Variants in RUNX3 observed in about 807,000 individuals in gnomAD.
The protein encoded by RUNX3 is RUNX family transcription factor 3, also known as runt-related transcription factor 3.
RUNX3 carries 10 observed loss-of-function variants against 27.7 expected under a neutral mutation model. The ratio of observed to expected loss-of-function variants is 0.36; its 90% CI spans 0.22 to 0.61. The LOEUF (loss-of-function observed/expected upper bound fraction) is 0.61, where lower values mean the gene tolerates loss of function less well. Among genes scored for constraint, RUNX3 ranks in the 20% least tolerant of loss-of-function variants. The pLI is 0.72. For missense variants in RUNX3, 469 were observed against 629.5 expected (o/e 0.75, Z 2.73); for synonymous variants, 270 against 269.2 (o/e 1.00, Z -0.03).
chr1:24,964,824 T>G, intron 1 of RUNX3: 4 of 962,752 alleles, frequency 4.2e-6, no homozygotes, highest in Non-Finnish European at 5.8e-6. Context: ...GAAAGTAAGT[T>G]TCTGTTTGTA....
intron 2 of RUNX3, among the ~76,000 whole-genome samples, chr1:24,955,470 C>T (rs1333170370): frequency 6.6e-6 from 1 of 152,134 alleles, no homozygotes; most frequent in Non-Finnish European, 1.5e-5. Flanking sequence ...GCCCAGCACA[C>T]GGAGCTGTGA....
At position 24,904,340 on chromosome 1, in the gene RUNX3, C is replaced by G. The variant is rs564641242; in HGVS notation, c.704-1674G>C. On this transcript the variant is annotated intron_variant, in intron 4 of 4. Coordinates refer to ENST00000308873, the MANE Select transcript of RUNX3 (RefSeq NM_004350.3). The surrounding 1 kb of genome is among the most constrained non-coding windows in gnomAD (Gnocchi z 5.7). ...AGCTGGGGTATGTTTCCCTCAGCAGCGTACTCTGGCCCTGGGCGTGGATCC... is the reference window on the plus strand; with the variant it reads ...AGCTGGGGTATGTTTCCCTCAGCAGGGTACTCTGGCCCTGGGCGTGGATCC... Among the ~76,000 whole-genome samples the G allele has an allele frequency of 6.2e-4, 95 of 152,304 alleles. No homozygotes were observed. The highest frequency in any genetic ancestry group is 2.3e-3 in the African/African-American group (94 of 41,572).
At chr1:24,936,151 C>T (rs1641346293) in intron 2 of RUNX3, among the ~76,000 whole-genome samples, 1 of 152,228 alleles carries the variant, frequency 6.6e-6, no homozygotes, top group South Asian at 2.1e-4. Context: ...TGTGCCCTTC[C>T]CCCAGGGTGG....
chr1:24,927,770 G>A lies in RUNX3; in HGVS notation c.283-40C>T. 1 of 1,590,620 alleles carries A rather than the reference G, an allele frequency of 6.3e-7. No individual in the cohort carries two copies. Among genetic ancestry groups the A allele is most frequent in the South Asian group, 1.1e-5 (1 of 90,722 alleles). ...CGGGGGGATGCAGGGGGACAGCTTA[G>A]AAAGGAAGAGGGTGACCAGGGAAAG... On this transcript the variant is annotated intron_variant, in intron 1 of 4. Coordinates refer to ENST00000308873, the MANE Select transcript of RUNX3 (RefSeq NM_004350.3). The surrounding 1 kb of genome is among the most constrained non-coding windows in gnomAD (Gnocchi z 5.0).
At position 24,902,465 on chromosome 1, in the gene RUNX3, C is replaced by T. The variant is rs1479215152; in HGVS notation, c.905G>A (p.Arg302His). 3.6e-5 allele frequency: 58 copies of T among 1,600,068 alleles called. No homozygotes were observed. Among genetic ancestry groups the T allele is most frequent in the Non-Finnish European group, 4.9e-5 (57 of 1,169,880 alleles). Residue 302 changes from arginine (R) to histidine (H), a missense_variant, in exon 5 of 5, where the codon CGC becomes CAC. Coordinates refer to ENST00000308873, the MANE Select transcript of RUNX3 (RefSeq NM_004350.3). This position sits in a 1 kb window ranked among gnomAD's most constrained non-coding sequence, Gnocchi z 9.2. ...TGGCGGGAGGTAGGTATGGTGGAAGCGGCTGGTGGCCGGCATGCCCGCCAC... is the reference window on the plus strand; with the variant it reads ...TGGCGGGAGGTAGGTATGGTGGAAGTGGCTGGTGGCCGGCATGCCCGCCAC... Reference protein sequence around the residue: ...LSVAGMPATSRFHHTYLPPPY... With the variant: ...LSVAGMPATSHFHHTYLPPPY...
At chr1:24,924,835 G>A (rs1507101) in intron 2 of RUNX3, among the ~76,000 whole-genome samples, 71,503 of 151,982 alleles carry the variant, frequency 0.47, 18,133 homozygotes, top group South Asian at 0.57. Context: ...AAGGCTCCTC[G>A]TGTCTGGCAG....
At chr1:24,903,370 C>A (rs1640605051) in intron 4 of RUNX3, among the ~76,000 whole-genome samples, 1 of 152,170 alleles carries the variant, frequency 6.6e-6, no homozygotes, top group South Asian at 2.1e-4. Context: ...CGACTCGTGG[C>A]CACACAGTGA....
rs1177649344 is a variant in RUNX3 at position 24,929,967 on chromosome 1, C to A, written c.-99G>T. 5 of 1,191,028 alleles carry A rather than the reference C, an allele frequency of 4.2e-6. No homozygotes were observed. Among genetic ancestry groups the A allele is most frequent in the Non-Finnish European group, 4.2e-6 (4 of 963,622 alleles). The allele number at this position is 1,191,028 out of a possible 1,614,324, so 73.8% of individuals were successfully genotyped here. On this transcript the variant is annotated 5_prime_UTR_variant, in exon 1 of 5. Coordinates refer to ENST00000308873, the MANE Select transcript of RUNX3 (RefSeq NM_004350.3). ...CCTCGGCCGCCGCTGCCGCGAGAAG[C>A]GGGAAAGCAGAAGCGGCGGGGCCCG...
In RUNX3 at chr1:24,943,991, C is replaced by T. The variant is rs184002049; in HGVS notation, c.59-14139G>A. On this transcript the variant is annotated intron_variant, in intron 2 of 6. Coordinates refer to the RUNX3 transcript ENST00000338888. This position sits in a 1 kb window ranked among gnomAD's most constrained non-coding sequence, Gnocchi z 4.6. The stretch of plus-strand genomic sequence containing the variant: ...TTGTGGGAGGTGAGACTGTGCCCCT[C>T]TCTGCCATAAAATATCTCTTTACTG... Among the ~76,000 whole-genome samples the T allele has an allele frequency of 3.3e-5, 5 of 152,176 alleles. 1 individual carries two copies. The South Asian group carries it at 1.0e-3, about 31-fold the overall frequency.
At chr1:24,906,452 A>G (rs1640666106) in intron 4 of RUNX3, among the ~76,000 whole-genome samples, 1 of 152,156 alleles carries the variant, frequency 6.6e-6, no homozygotes, top group African/African-American at 2.4e-5. Context: ...TTGGCACCCC[A>G]CTTAGCCCAA....
chr1:24,936,029 C>T (rs1641342683), intron 2 of RUNX3, among the ~76,000 whole-genome samples: 1 of 152,206 alleles, frequency 6.6e-6, no homozygotes, highest in Admixed American at 6.5e-5. Flanking sequence ...GCAGCAGGTG[C>T]GTGCAGAGCT....
chr1:24,926,020 G>A (rs758628186), intron 2 of RUNX3, among the ~76,000 whole-genome samples: 2 of 152,156 alleles, frequency 1.3e-5, no homozygotes, highest in South Asian at 2.1e-4. Context: ...TCTTTCTCTC[G>A]CTTCCCAGGA....
chr1:24,903,318 A>C (rs545390015), intron 4 of RUNX3, among the ~76,000 whole-genome samples: 4 of 152,268 alleles, frequency 2.6e-5, no homozygotes, highest in South Asian at 4.1e-4. Flanking sequence ...AGTTCACAGG[A>C]GCTCTGGCCT....
intron 2 of RUNX3, among the ~76,000 whole-genome samples, chr1:24,948,626 T>G (rs1641674736): frequency 8.4e-6 from 1 of 119,278 alleles, no homozygotes; most frequent in African/African-American, 3.3e-5. Flanking sequence ...GCAGGATGGG[T>G]GCATGTCGGG....
Position 24,907,354 on chromosome 1 carries a change from C to T in RUNX3, c.608G>A (p.Arg203Gln), listed in dbSNP as rs762251995. The T allele has an allele frequency of 3.7e-6, 6 of 1,613,914 alleles. No homozygotes were observed. Among genetic ancestry groups the T allele is most frequent in the Non-Finnish European group, 5.1e-6 (6 of 1,180,018 alleles). Residue 203 changes from arginine to glutamine, a missense_variant, in exon 4 of 5, where the codon CGG becomes CAG. By Grantham distance (43) the Arg-to-Gln change is conservative. This residue lies in a region of RUNX3 where 279 missense variants were observed against 343.0 expected (regional missense o/e 0.81). Coordinates refer to ENST00000308873, the MANE Select transcript of RUNX3 (RefSeq NM_004350.3). ...GCTCGGTGTCACCCGCATGCGCAGC[C>T]GTTCCAGGTCCCCAAAGCGGTCAGG... is the stretch of plus-strand genomic sequence containing the variant. ...PFPDRFGDLE[R>Q]LRMRVTPSTP...
chr1:24,929,169 G>A (rs1641159490), intron 1 of RUNX3: 1 of 473,364 alleles, frequency 2.1e-6, no homozygotes, highest in Non-Finnish European at 4.2e-6. Flanking sequence ...CGGCGCGGGA[G>A]GAGGGGTGCT....
rs985110067 is a variant in RUNX3 at position 24,923,088 on chromosome 1, A to G, written c.440-3744T>C. Among the ~76,000 whole-genome samples the G allele has an allele frequency of 6.6e-6, 1 of 152,174 alleles. No individual in the cohort carries two copies. The highest frequency in any genetic ancestry group is 1.5e-5 in the Non-Finnish European group (1 of 68,036). Reference sequence around the variant, plus strand: ...AATGGCTCCCATTTTGCACACAGGTACTAACGTCCCGCTCCTGAGAAGTGA... The same window carrying G: ...AATGGCTCCCATTTTGCACACAGGTGCTAACGTCCCGCTCCTGAGAAGTGA... On this transcript the variant is annotated intron_variant, in intron 2 of 4. Transcript: ENST00000308873. The surrounding 1 kb of genome is among the most constrained non-coding windows in gnomAD (Gnocchi z 5.9).
chr1:24,907,691 G>A (rs1055211250), intron 3 of RUNX3, among the ~76,000 whole-genome samples: 2 of 150,210 alleles, frequency 1.3e-5, no homozygotes, highest in East Asian at 2.0e-4. Flanking sequence ...TACAACACGC[G>A]GTGATCTAAA....
intron 2 of RUNX3, among the ~76,000 whole-genome samples, chr1:24,938,893 C>T (rs772536151): frequency 1.5e-4 from 23 of 152,122 alleles, no homozygotes; most frequent in Admixed American, 1.2e-3. Flanking sequence ...GTCTCCAGAA[C>T]CATGTGTAGT....
Sources: allele counts gnomAD v4.1 joint callset (sites outside exome capture counted in the v4.1 genomes callset), GRCh38; gene constraint gnomAD v4.1.1; regional missense constraint gnomAD v4.1.1; non-coding constraint Gnocchi (gnomAD v3.1); transcripts MANE v1.5; gene names NCBI Gene and HGNC (gene_info 2026-07-23, HGNC 2026-07-21).